The following SV2C variants were observed in gnomAD, a reference collection of about 807,000 sequenced individuals.
The protein encoded by SV2C is synaptic vesicle glycoprotein 2C, also known as solute carrier family 22 member B3.
In SV2C, 49 loss-of-function variants were observed where a neutral mutation model predicts 79.7. That is an observed-to-expected ratio of 0.61 (90% CI 0.49 to 0.78). The LOEUF is 0.78. Ranked by LOEUF, SV2C falls within the 30% of genes least tolerant of loss-of-function variation. The pLI, the probability that SV2C is intolerant of heterozygous loss-of-function variation, is 0.00. For synonymous variants in SV2C, 334 were observed against 333.2 expected, an observed-to-expected ratio of 1.00 and a Z score of -0.03; for missense variants, 833 against 912.9, an observed-to-expected ratio of 0.91 and a Z score of 1.13.
chr5:76,073,533 A>G, the SV2C span, among the ~76,000 whole-genome samples: 2 of 130,842 alleles, frequency 1.5e-5, no homozygotes, highest in Admixed American at 7.4e-5. Context: ...ATATATATAT[A>G]TATATATATA....
chr5:76,151,343 T>C (rs116692957), intron 2 of SV2C, among the ~76,000 whole-genome samples: 1,940 of 152,208 alleles, frequency 0.013, 30 homozygotes, highest in Non-Finnish European at 0.017. Flanking sequence ...GACCTACCTG[T>C]TGTTGGAGAG....
chr5:76,048,992 AAAGAAAG>A, the SV2C span, among the ~76,000 whole-genome samples: 22 of 98,096 alleles, frequency 2.2e-4, 1 homozygote, highest in African/African-American at 6.9e-4. Flanking sequence ...AGAAAGAAAG[AAAGAAAG>A]AAAGAAAGAA....
the SV2C span, among the ~76,000 whole-genome samples, chr5:76,001,990 A>G: frequency 4.6e-5 from 7 of 151,464 alleles, no homozygotes; most frequent in African/African-American, 1.7e-4. Flanking sequence ...CCACTATATC[A>G]TTCTTATGCC....
the SV2C span, among the ~76,000 whole-genome samples, chr5:76,009,167 T>A: frequency 1.3e-5 from 2 of 152,138 alleles, no homozygotes; most frequent in Non-Finnish European, 2.9e-5. Context: ...AAAAAAATGT[T>A]CCACATCACT....
intron 2 of SV2C, among the ~76,000 whole-genome samples, chr5:76,178,176 A>G (rs1163459080): frequency 6.6e-6 from 1 of 152,166 alleles, no homozygotes; most frequent in East Asian, 1.9e-4. Flanking sequence ...TGGAAACTGC[A>G]TGGCCTTTTA....
At position 76,132,232 on chromosome 5, in the gene SV2C, C is replaced by T. The variant is rs2112188546; in HGVS notation, c.482C>T (p.Ala161Val). The T allele has an allele frequency of 1.2e-6, 2 of 1,614,100 alleles. No individual in the cohort carries two copies. The highest frequency in any genetic ancestry group is 2.2e-5 in the East Asian group (1 of 44,872). ...QWALFFVLGM[A>V]LMADGVEVFV... ...GCCCTTTTCTTCGTCCTGGGCATGG[C>T]TCTTATGGCAGACGGTGTAGAGGTG... is the stretch of plus-strand genomic sequence containing the variant. Residue 161 changes from alanine to valine, a missense_variant, in exon 2 of 13, where the codon GCT (alanine) becomes GTT (valine). Transcript: ENST00000502798.
the SV2C span, among the ~76,000 whole-genome samples, chr5:75,984,314 T>C: frequency 6.6e-6 from 1 of 152,128 alleles, no homozygotes; most frequent in Non-Finnish European, 1.5e-5. Context: ...AAACTTTCTT[T>C]TTATAATAAT....
At chr5:76,087,518 C>A (rs1747238721) in intron 1 of SV2C, among the ~76,000 whole-genome samples, 1 of 152,136 alleles carries the variant, frequency 6.6e-6, no homozygotes, top group South Asian at 2.1e-4. Flanking sequence ...AATAGACCAG[C>A]GATTCTCAAA....
the SV2C span, chr5:75,921,627 T>C: frequency 2.2e-6 from 2 of 907,170 alleles, no homozygotes; most frequent in Non-Finnish European, 3.6e-6. Context: ...CCCTTCTTGA[T>C]GTTTTTCCTG....
chr5:75,968,548 A>G, the SV2C span, among the ~76,000 whole-genome samples: 3 of 152,360 alleles, frequency 2.0e-5, no homozygotes, highest in South Asian at 4.1e-4. Flanking sequence ...TCAGTAACCA[A>G]TGCAATCAAC....
the SV2C span, among the ~76,000 whole-genome samples, chr5:75,988,513 A>T: frequency 6.6e-6 from 1 of 152,028 alleles, no homozygotes; most frequent in Non-Finnish European, 1.5e-5. Context: ...CAATGAAAGC[A>T]AAATAAGCCC....
At chr5:76,004,972 C>A in the SV2C span, among the ~76,000 whole-genome samples, 1 of 152,166 alleles carries the variant, frequency 6.6e-6, no homozygotes, top group African/African-American at 2.4e-5. Flanking sequence ...GAGGAGTGAG[C>A]ACGACCTAAA....
the SV2C span, among the ~76,000 whole-genome samples, chr5:75,998,491 C>A: frequency 2.0e-5 from 3 of 152,032 alleles, no homozygotes; most frequent in African/African-American, 7.2e-5. Flanking sequence ...GGCATCCTAG[C>A]CATAAATGGA....
chr5:75,968,716 T>A, the SV2C span, among the ~76,000 whole-genome samples: 7 of 152,302 alleles, frequency 4.6e-5, no homozygotes, highest in Non-Finnish European at 8.8e-5. Flanking sequence ...TACCTGAAAG[T>A]GATAGGAGAA....
the SV2C span, among the ~76,000 whole-genome samples, chr5:76,045,887 TTAG>T: frequency 2.0e-5 from 3 of 152,114 alleles, no homozygotes; most frequent in Non-Finnish European, 4.4e-5. Flanking sequence ...GTTAATAGGT[TTAG>T]TAGGCTGTCT....
At chr5:75,862,512 G>A in the SV2C span, among the ~76,000 whole-genome samples, 1 of 152,194 alleles carries the variant, frequency 6.6e-6, no homozygotes, top group African/African-American at 2.4e-5. Context: ...AGCCTATTAA[G>A]GCAGGGAGAT....
the SV2C span, among the ~76,000 whole-genome samples, chr5:76,029,807 G>C: frequency 6.6e-6 from 1 of 152,120 alleles, no homozygotes; most frequent in African/African-American, 2.4e-5. Flanking sequence ...TTACCGTGGC[G>C]ATGTTTACTT....
At chr5:76,324,659 C>T (rs138415367) in intron 12 of SV2C, among the ~76,000 whole-genome samples, 34 of 151,158 alleles carry the variant, frequency 2.2e-4, no homozygotes, top group East Asian at 7.8e-4. Flanking sequence ...GCCAGGGCAA[C>T]GCAGGAGGAC....
intron 4 of SV2C, among the ~76,000 whole-genome samples, chr5:76,242,812 T>A (rs974811581): frequency 5.3e-5 from 8 of 151,732 alleles, no homozygotes; most frequent in African/African-American, 1.9e-4. Context: ...GTGGGAGGAC[T>A]GCTTGAGGTC....
Sources: allele counts gnomAD v4.1 joint callset (sites outside exome capture counted in the v4.1 genomes callset), GRCh38; gene constraint gnomAD v4.1.1; transcripts MANE v1.5; gene names NCBI Gene and HGNC (gene_info 2026-07-23, HGNC 2026-07-21).